COL5A2: variants seen among roughly 807,000 people sequenced by gnomAD.
COL5A2 encodes the protein collagen alpha-2(V) chain.
A neutral mutation model predicts 208.2 loss-of-function variants in COL5A2; 23 were observed. The ratio of observed to expected loss-of-function variants is 0.11; its 90% CI spans 0.08 to 0.16. The LOEUF is 0.16. Ranked by LOEUF, COL5A2 falls within the 10% of genes least tolerant of loss-of-function variation. The probability of loss-of-function intolerance (pLI) is 1.00; values close to 1 mark genes in which losing one functional copy is unlikely to be tolerated. For synonymous variants in COL5A2, 625 were observed against 628.5 expected (o/e 0.99, Z 0.08); for missense variants, 1,590 against 1,956.4 (o/e 0.81, Z 3.53).
intron 1 of COL5A2, among the ~76,000 whole-genome samples, chr2:189,146,753 G>T (rs1688047473): frequency 6.6e-6 from 1 of 152,018 alleles, no homozygotes; most frequent in African/African-American, 2.4e-5. Flanking sequence ...TTTTTGTCAT[G>T]AATCATAAAA....
chr2:189,363,055 A>G, the COL5A2 span, among the ~76,000 whole-genome samples: 1 of 152,136 alleles, frequency 6.6e-6, no homozygotes, highest in Admixed American at 6.5e-5. Flanking sequence ...AAACATACTA[A>G]AAAATGTAAA....
chr2:189,155,856 T>G (rs1479095048), intron 1 of COL5A2, among the ~76,000 whole-genome samples: 1 of 152,102 alleles, frequency 6.6e-6, no homozygotes, highest in African/African-American at 2.4e-5. Flanking sequence ...CTGCACCCCT[T>G]CTGGAAGCCC....
At chr2:189,089,825 A>C (rs557027064) in intron 7 of COL5A2, among the ~76,000 whole-genome samples, 1 of 152,318 alleles carries the variant, frequency 6.6e-6, no homozygotes, top group South Asian at 2.1e-4. Flanking sequence ...TGCCCATACA[A>C]GACAATAAAC....
chr2:189,100,331 C>T (rs558441136), intron 3 of COL5A2, among the ~76,000 whole-genome samples, 192 bp from the exon 4 acceptor site: 6 of 152,094 alleles, frequency 3.9e-5, no homozygotes, highest in East Asian at 1.9e-4. Context: ...TATTACTGCT[C>T]ACCTGAAAGA....
intron 2 of COL5A2, among the ~76,000 whole-genome samples, chr2:189,109,743 T>G (rs1013030571): frequency 6.6e-6 from 1 of 152,206 alleles, no homozygotes; most frequent in Non-Finnish European, 1.5e-5. Context: ...CTAGCCAACA[T>G]GAAAAGCATT....
intron 29 of COL5A2, among the ~76,000 whole-genome samples, chr2:189,062,538 T>TAAATATTTTAAATA (rs1225078146): frequency 1.3e-5 from 2 of 152,106 alleles, no homozygotes; most frequent in East Asian, 3.8e-4. Flanking sequence ...ATTGAGTATC[T>TAAATATTTTAAATA]AAATATTTTA....
chr2:189,045,819 G>A lies in COL5A2; in HGVS notation c.3290C>T (p.Ala1097Val), dbSNP rs1162768110. 1 of 1,613,888 alleles carries A rather than the reference G, an allele frequency of 6.2e-7. No individual in the cohort carries two copies. Among genetic ancestry groups the A allele is most frequent in the East Asian group, 2.2e-5 (1 of 44,870 alleles). The change falls in exon 46 of 54, where the codon GCA becomes GTA. Residue 1097 changes from alanine to valine, a missense_variant. By Grantham distance (64) the Ala-to-Val change is moderately conservative (BLOSUM62 0). Transcript: ENST00000374866. The part of the protein sequence containing the change: ...TPGPVGAPGD[A>V]GQRGDPGSRG... ...CCTTACCGGATCTCCTCTTTGTCCTGCATCTCCTGGAGCACCCACAGGGCC... is the reference window on the plus strand; with the variant it reads ...CCTTACCGGATCTCCTCTTTGTCCTACATCTCCTGGAGCACCCACAGGGCC...
At chr2:189,216,944 G>T (rs1372456757) in intron 1 of COL5A2, among the ~76,000 whole-genome samples, 1 of 152,014 alleles carries the variant, frequency 6.6e-6, no homozygotes, top group East Asian at 1.9e-4. Flanking sequence ...ACAACATGAA[G>T]AAATTGCAAA....
Position 189,124,509 on chromosome 2 carries a change from G to A in COL5A2, c.98-14060C>T, listed in dbSNP as rs1284045966. Among the ~76,000 whole-genome samples, 10 of 151,988 alleles carry A rather than the reference G, an allele frequency of 6.6e-5. No individual in the cohort carries two copies. In the East Asian group the frequency reaches 1.5e-3, roughly 23 times the overall value. Reference sequence around the variant, plus strand: ...GCTTGCATTATATAAACATGACTCCGTTCAGCAAACAGAATGCACCATGCT... The same window carrying A: ...GCTTGCATTATATAAACATGACTCCATTCAGCAAACAGAATGCACCATGCT... On this transcript the variant is annotated intron_variant, in intron 1 of 53. Coordinates refer to ENST00000374866, the MANE Select transcript of COL5A2 (RefSeq NM_000393.5).
intron 1 of COL5A2, among the ~76,000 whole-genome samples, chr2:189,136,558 G>T (rs115158630): frequency 6.6e-6 from 1 of 150,626 alleles, no homozygotes; most frequent in African/African-American, 2.4e-5. Flanking sequence ...TAACAATGGA[G>T]AAATCTTGTG....
At chr2:189,416,860 CT>C in the COL5A2 span, among the ~76,000 whole-genome samples, 6 of 151,990 alleles carry the variant, frequency 3.9e-5, no homozygotes, top group Non-Finnish European at 7.4e-5. Flanking sequence ...TATTCTTTGT[CT>C]TTTTTTATTG....
intron 22 of COL5A2, 38 bp downstream of exon 22, chr2:189,066,691 A>C: frequency 6.5e-7 from 1 of 1,543,396 alleles, no homozygotes; most frequent in Non-Finnish European, 9.0e-7. Flanking sequence ...TCCAGACAAT[A>C]CTATGTTCTA....
At chr2:189,149,380 T>C (rs1277756393) in intron 1 of COL5A2, among the ~76,000 whole-genome samples, 2 of 152,162 alleles carry the variant, frequency 1.3e-5, no homozygotes, top group Non-Finnish European at 2.9e-5. Flanking sequence ...TATTGGAACC[T>C]TAATATCTGA....
intron 26 of COL5A2, among the ~76,000 whole-genome samples, chr2:189,063,536 T>G (rs533649530): frequency 2.0e-5 from 3 of 152,216 alleles, no homozygotes; most frequent in Non-Finnish European, 4.4e-5. Context: ...GAAATCTTTC[T>G]TCTTTCATTT....
At chr2:189,182,054 C>G (rs942330789), upstream of COL5A2, among the ~76,000 whole-genome samples, 2 of 152,274 alleles carry the variant, frequency 1.3e-5, no homozygotes, top group Non-Finnish European at 1.5e-5. Flanking sequence ...TGGGCTTTTT[C>G]TCTATGTCTG....
the COL5A2 span, among the ~76,000 whole-genome samples, chr2:189,261,031 T>C: frequency 6.6e-6 from 1 of 152,318 alleles, no homozygotes; most frequent in Non-Finnish European, 1.5e-5. Context: ...TATTTCATTA[T>C]AAAAATGTTT....
At chr2:189,346,020 A>G in the COL5A2 span, among the ~76,000 whole-genome samples, 1 of 152,210 alleles carries the variant, frequency 6.6e-6, no homozygotes, top group Non-Finnish European at 1.5e-5. Context: ...CTCTTTTCCA[A>G]CTTAAGTTCA....
rs5837127 is a variant in COL5A2, at chr2:189,117,732, CTT to C, written c.98-7285_98-7284del. Among the ~76,000 whole-genome samples, 1,181 of 150,886 alleles carry C rather than the reference CTT, an allele frequency of 7.8e-3. 21 individuals carry two copies. The highest frequency in any genetic ancestry group is 0.026 in the African/African-American group (1,042 of 40,842). Reference sequence around the variant, plus strand: ...CACTCTCAATTCACTAATTCTTACTCTTTTTTTTTTTTCTTTTAATGTAGTAG... The same window carrying C: ...CACTCTCAATTCACTAATTCTTACTCTTTTTTTTTTCTTTTAATGTAGTAG... On this transcript the variant is annotated intron_variant, in intron 1 of 53. Transcript: ENST00000374866.
chr2:189,089,685 T>C (rs1464348272), intron 7 of COL5A2, among the ~76,000 whole-genome samples: 2 of 152,192 alleles, frequency 1.3e-5, no homozygotes, highest in Admixed American at 6.5e-5. Context: ...TCACTCTGTG[T>C]CTCTGTGTCA....
Sources: allele counts gnomAD v4.1 joint callset (sites outside exome capture counted in the v4.1 genomes callset), GRCh38; gene constraint gnomAD v4.1.1; transcripts MANE v1.5; gene names NCBI Gene and HGNC (gene_info 2026-07-23, HGNC 2026-07-21).